Variants in LUZP4 observed in about 807,000 individuals in gnomAD.
The protein encoded by LUZP4 is HOM-TES-85 tumor antigen.
A neutral mutation model predicts 8.5 loss-of-function variants in LUZP4; 11 were observed. That is an observed-to-expected ratio of 1.30 (90% confidence interval 0.82 to 2.14). The LOEUF (loss-of-function observed/expected upper bound fraction) is 2.14. Among genes scored for constraint, LUZP4 ranks in the 30% most tolerant of loss-of-function variants. LUZP4 has a pLI of 0.00. For missense variants in LUZP4, 276 were observed against 229.7 expected (o/e 1.20, Z -1.30); for synonymous variants, 104 against 79.4 (o/e 1.31, Z -1.65).
chrX:115,301,149 A>G (rs890438945), intron 1 of LUZP4, among the ~76,000 whole-genome samples: 4 of 110,726 alleles, frequency 3.6e-5, no homozygotes, highest in Admixed American at 9.6e-5. Context: ...AGTTTTTTCC[A>G]AATACCTAGC....
intron 1 of LUZP4, among the ~76,000 whole-genome samples, chrX:115,293,188 C>T (rs1556597561): frequency 9.0e-6 from 1 of 111,398 alleles, no homozygotes; most frequent in African/African-American, 3.3e-5. Context: ...GTCTGGCCAC[C>T]TGTTTTTGTA....
chrX:115,303,692 C>T (rs1222633620), intron 3 of LUZP4, among the ~76,000 whole-genome samples: 3 of 111,602 alleles, frequency 2.7e-5, no homozygotes, highest in East Asian at 2.8e-4. Context: ...GTCATTAATC[C>T]TATATAAGAA....
In LUZP4 at chrX:115,293,742, G is replaced by A. The variant is rs1556597906; in HGVS notation, c.91+3892G>A. Among the ~76,000 whole-genome samples the A allele has an allele frequency of 2.7e-5, 3 of 110,534 alleles. No individual in the cohort carries two copies. The Admixed American group carries it at 2.9e-4, about 11-fold the overall frequency. Reference sequence around the variant, plus strand: ...GAGGCAGGTAGATGACCTGAGGTCAGGAGTTCGAGACCAGCCTGGCCAACA... The same window carrying A: ...GAGGCAGGTAGATGACCTGAGGTCAAGAGTTCGAGACCAGCCTGGCCAACA... On this transcript the variant is annotated intron_variant, in intron 1 of 3. Transcript: ENST00000371920.
chrX:115,295,317 G>A lies in LUZP4; in HGVS notation c.91+5467G>A, dbSNP rs1474358174. Among the ~76,000 whole-genome samples, 7 of 111,828 alleles carry A rather than the reference G, an allele frequency of 6.3e-5. No individual in the cohort carries two copies. The Admixed American group carries it at 6.6e-4, about 11-fold the overall frequency. On this transcript the variant is annotated intron_variant, in intron 1 of 3. Coordinates refer to ENST00000371920, the MANE Select transcript of LUZP4 (RefSeq NM_016383.5). The stretch of plus-strand genomic sequence containing the variant: ...TGGTCTCGAACTCGTGGGCTCGAGC[G>A]ATCTTCTCGCCTTGGCCTCCCAAAG...
intron 1 of LUZP4, among the ~76,000 whole-genome samples, chrX:115,295,482 C>T (rs1309887779): frequency 1.1e-4 from 3 of 28,431 alleles, no homozygotes; most frequent in African/African-American, 1.8e-4. Flanking sequence ...TGATAAATTT[C>T]CCCATGTTTT....
rs782634132 is a variant in LUZP4 at position 115,306,344 on chromosome X, G to A, written c.482G>A (p.Arg161Gln). The A allele has an allele frequency of 1.2e-5, 14 of 1,209,204 alleles. No individual in the cohort carries two copies. The African/African-American group carries it at 1.4e-4, about 12-fold the overall frequency. Reference sequence around the variant, plus strand: ...CCAGAAGAAAATCATCATTCTGAGCGATCCCGAAACCACTTAGAGAGATCT... The same window carrying A: ...CCAGAAGAAAATCATCATTCTGAGCAATCCCGAAACCACTTAGAGAGATCT... ...GQPEENHHSE[R>Q]SRNHLERSLS... is the part of the protein sequence containing the mutation. Residue 161 changes from arginine to glutamine, a missense_variant, in exon 4 of 4, where the codon CGA (arginine) becomes CAA (glutamine). Transcript: ENST00000371920.
chrX:115,296,056 G>A (rs2073369283), intron 1 of LUZP4, among the ~76,000 whole-genome samples: 1 of 111,522 alleles, frequency 9.0e-6, no homozygotes, highest in African/African-American at 3.3e-5. Flanking sequence ...GAAGTTGAGA[G>A]GAACCTAAGT....
intron 1 of LUZP4, among the ~76,000 whole-genome samples, chrX:115,290,680 G>C (rs1376957906): frequency 9.0e-6 from 1 of 111,372 alleles, no homozygotes. Context: ...GAGTAGAGAG[G>C]ATGGAAGCTG....
chrX:115,301,560 T>A (rs1248786684), intron 1 of LUZP4, among the ~76,000 whole-genome samples: 3 of 112,291 alleles, frequency 2.7e-5, no homozygotes, highest in African/African-American at 9.7e-5. Context: ...ACTAATTGTC[T>A]ATCACATTTA....
intron 1 of LUZP4, among the ~76,000 whole-genome samples, chrX:115,301,258 A>G (rs1338139502): frequency 3.6e-5 from 4 of 111,360 alleles, no homozygotes; most frequent in African/African-American, 1.3e-4. Flanking sequence ...ACATGAGTAA[A>G]GTTTTATCCA....
chrX:115,307,084 A>G lies in LUZP4; in HGVS notation c.*280A>G, dbSNP rs781916198. ...CCTATTGGGCCTTCCCCACAATTAG[A>G]ATATTTTGACTTAGTGTCCTGTCCC... On this transcript the variant is annotated 3_prime_UTR_variant, in exon 4 of 4. Coordinates refer to ENST00000371920, the MANE Select transcript of LUZP4 (RefSeq NM_016383.5). 28 of 329,573 alleles carry G rather than the reference A, an allele frequency of 8.5e-5. No homozygotes were observed. The highest frequency in any genetic ancestry group is 7.1e-4 in the Admixed American group (15 of 21,204). The allele number at this position is 329,573 out of a possible 1,213,427, so 27.2% of individuals were successfully genotyped here.
At chrX:115,296,605 C>G (rs1189410747) in intron 1 of LUZP4, among the ~76,000 whole-genome samples, 1 of 111,505 alleles carries the variant, frequency 9.0e-6, no homozygotes, top group Non-Finnish European at 1.9e-5. Context: ...AGACAGCTTA[C>G]CCAGGTTCAT....
intron 2 of LUZP4, among the ~76,000 whole-genome samples, chrX:115,302,930 G>A (rs372272260): frequency 8.9e-6 from 1 of 112,348 alleles, no homozygotes; most frequent in Non-Finnish European, 1.9e-5. Context: ...CCCAAACAAA[G>A]CAGACAATTG....
chrX:115,295,179 G>A (rs782138848), intron 1 of LUZP4, among the ~76,000 whole-genome samples: 1 of 111,770 alleles, frequency 8.9e-6, no homozygotes, highest in East Asian at 2.8e-4. Context: ...AGGCTCAAGC[G>A]ATCCTCCCAC....
intron 2 of LUZP4, 110 bp downstream of exon 2, chrX:115,302,233 T>C: frequency 1.4e-6 from 1 of 738,210 alleles, no homozygotes; most frequent in Non-Finnish European, 1.9e-6. Flanking sequence ...TTGCATTATG[T>C]TGCTTGTTTT....
At position 115,306,607 on chromosome X, in the gene LUZP4, CAGAG is replaced by C. The variant is rs781849088; in HGVS notation, c.749_752del (p.Arg250IlefsTer3). ...CACTCAGAGTGATCTCATAGCCACT[CAGAG>C]AGATCTCATAGCCACTCAGAAAGAT... On this transcript the variant is annotated frameshift_variant, in exon 4 of 4. Coordinates refer to ENST00000371920, the MANE Select transcript of LUZP4 (RefSeq NM_016383.5). LOFTEE classifies it low-confidence loss of function (END_TRUNC). 20 of 1,206,904 alleles carry C rather than the reference CAGAG, an allele frequency of 1.7e-5. No homozygotes were observed. Among genetic ancestry groups the C allele is most frequent in the Middle Eastern group, 2.6e-4 (1 of 3,866 alleles).
intron 1 of LUZP4, among the ~76,000 whole-genome samples, chrX:115,298,170 G>A (rs1049980593): frequency 5.6e-5 from 6 of 107,141 alleles, no homozygotes; most frequent in Non-Finnish European, 9.7e-5. Flanking sequence ...AGGTTCAAAC[G>A]ATTCTCCTGC....
intron 1 of LUZP4, among the ~76,000 whole-genome samples, chrX:115,290,358 A>G (rs1006078920): frequency 1.8e-5 from 2 of 110,741 alleles, no homozygotes; most frequent in African/African-American, 6.6e-5. Context: ...GGGTTGGTGT[A>G]TCTGCTTTGT....
Position 115,307,068 on chromosome X carries a change from C to A in LUZP4, c.*264C>A. ...TATGTACTCAGCCTTTCCTATTGGGCCTTCCCCACAATTAGAATATTTTGA... is the reference window on the plus strand; with the variant it reads ...TATGTACTCAGCCTTTCCTATTGGGACTTCCCCACAATTAGAATATTTTGA... On this transcript the variant is annotated 3_prime_UTR_variant, in exon 4 of 4. Transcript: ENST00000371920. The A allele has an allele frequency of 2.8e-6, 1 of 350,970 alleles. No homozygotes were observed. Among genetic ancestry groups the A allele is most frequent in the Non-Finnish European group, 5.0e-6 (1 of 199,606 alleles). The allele number at this position is 350,970 out of a possible 1,213,427, so 28.9% of individuals were successfully genotyped here.
Sources: allele counts gnomAD v4.1 joint callset (sites outside exome capture counted in the v4.1 genomes callset), GRCh38; gene constraint gnomAD v4.1.1; transcripts MANE v1.5; gene names NCBI Gene and HGNC (gene_info 2026-07-23, HGNC 2026-07-21).